NDUFS1: variants seen among roughly 807,000 people sequenced by gnomAD.
NDUFS1 encodes the protein NADH:ubiquinone oxidoreductase core subunit S1.
A neutral mutation model predicts 84.4 loss-of-function variants in NDUFS1; 61 were observed. The ratio of observed to expected loss-of-function variants is 0.72; its 90% CI spans 0.59 to 0.89. The LOEUF is 0.89. NDUFS1 is among the 40% of genes least tolerant of loss of function. NDUFS1 has a pLI of 0.00. For synonymous variants in NDUFS1, 275 were observed against 290.0 expected, an observed-to-expected ratio of 0.95 and a Z score of 0.53; for missense variants, 891 against 890.0, an observed-to-expected ratio of 1.00 and a Z score of -0.01.
chr2:206,122,639 A>AAAAAAAAAAAC lies in NDUFS1; in HGVS notation c.*1545_*1546insGTTTTTTTTTT, dbSNP rs1559038202. ...AGTAAGACTCCATCTCAAAAAAAAA[A>AAAAAAAAAAAC]AAAAAACAAAGGGAAAAAGGGCATC... On this transcript the variant is annotated 3_prime_UTR_variant, in exon 19 of 19. Coordinates refer to ENST00000233190, the MANE Select transcript of NDUFS1 (RefSeq NM_005006.7). 6.8e-6 allele frequency: 1 copy of AAAAAAAAAAAC among 146,714 alleles called. No individual in the cohort carries two copies. The highest frequency in any genetic ancestry group is 2.5e-5 in the African/African-American group (1 of 39,588). The allele number at this position is 146,714 out of a possible 1,614,324, so 9.1% of individuals were successfully genotyped here. A position where few individuals can be genotyped will look rare whatever the true frequency, so the allele number is the denominator to read the frequency against.
Position 206,157,514 on chromosome 2 carries a change from C to T in NDUFS1, c.-5+1827G>A, listed in dbSNP as rs527408730. Among the ~76,000 whole-genome samples the T allele has an allele frequency of 9.2e-5, 14 of 152,344 alleles. No homozygotes were observed. In the East Asian group the frequency reaches 2.7e-3, roughly 29 times the overall value. On this transcript the variant is annotated intron_variant, in intron 1 of 18. Transcript: ENST00000233190. ...GTAGCATCTGTCCTATTAAAAACTA[C>T]TGATGGCATAAATATAAACCTAAAC...
Position 206,117,561 on chromosome 2 carries a change from G to A in NDUFS1, c.*6624C>T, listed in dbSNP as rs1690983517. 6.6e-6 allele frequency: 1 copy of A among 152,242 alleles called. No homozygotes were observed. Among genetic ancestry groups the A allele is most frequent in the Non-Finnish European group, 1.5e-5 (1 of 68,074 alleles). The allele number at this position is 152,242 out of a possible 1,614,324, so 9.4% of individuals were successfully genotyped here. Reference sequence around the variant, plus strand: ...GCAATTCTCTGACTCAGCCTCCAGAGTAGCTGGGATTACAGGTGTCTTGCC... The same window carrying A: ...GCAATTCTCTGACTCAGCCTCCAGAATAGCTGGGATTACAGGTGTCTTGCC... On this transcript the variant is annotated 3_prime_UTR_variant, in exon 19 of 19. Transcript: ENST00000233190.
rs1486052306 is a variant in NDUFS1, at chr2:206,119,637, ACT to A, written c.*4546_*4547del. On this transcript the variant is annotated 3_prime_UTR_variant, in exon 19 of 19. Transcript: ENST00000233190. Reference sequence around the variant, plus strand: ...CATGTCGGACAGGCTGGTCTCGAAAACTCCTGACCTCAGGTGATCCGCCTGCC... The same window carrying A: ...CATGTCGGACAGGCTGGTCTCGAAAACCTGACCTCAGGTGATCCGCCTGCC... The A allele has an allele frequency of 1.3e-5, 2 of 151,586 alleles. No individual in the cohort carries two copies. Among genetic ancestry groups the A allele is most frequent in the Non-Finnish European group, 2.9e-5 (2 of 67,924 alleles). 9.4% of individuals were successfully genotyped at this position (151,586 alleles called of 1,614,324 possible). A position where few individuals can be genotyped will look rare whatever the true frequency, so the allele number is the denominator to read the frequency against.
intron 16 of NDUFS1, 88 bp downstream of exon 16, chr2:206,127,709 C>G (rs1691346344): frequency 7.2e-7 from 1 of 1,391,642 alleles, no homozygotes; most frequent in Admixed American, 1.7e-5. Context: ...AGACTGGCAT[C>G]TTCCTTGACT....
chr2:206,158,715 C>T (rs1687777531), intron 1 of NDUFS1, among the ~76,000 whole-genome samples: 1 of 152,344 alleles, frequency 6.6e-6, no homozygotes, highest in Non-Finnish European at 1.5e-5. Flanking sequence ...TGTGTCTGAT[C>T]CAAGACCTTA....
In NDUFS1 at chr2:206,144,038, G is replaced by C; in HGVS notation, c.967C>G (p.Leu323Val). 6.2e-7 allele frequency: 1 copy of C among 1,612,066 alleles called. No individual in the cohort carries two copies. The highest frequency in any genetic ancestry group is 8.5e-7 in the Non-Finnish European group (1 of 1,178,220). Reference sequence around the variant, plus strand: ...TTTACCATTCCAGCTACGCGAGAGAGCGCATCCTCCCAAGAAGTATAGGTT... The same window carrying C: ...TTTACCATTCCAGCTACGCGAGAGACCGCATCCTCCCAAGAAGTATAGGTT... ...LLTYTSWEDA[L>V]SRVAGMLQSF... Residue 323 changes from leucine to valine, a missense_variant, in exon 10 of 19, where the codon CTC becomes GTC. Leu to Val is a conservative substitution (Grantham distance 32). Coordinates refer to ENST00000233190, the MANE Select transcript of NDUFS1 (RefSeq NM_005006.7).
rs1691114505 is a variant in NDUFS1 at position 206,122,170 on chromosome 2, T to C, written c.*2015A>G. The C allele has an allele frequency of 6.6e-6, 1 of 152,058 alleles. No individual in the cohort carries two copies. The highest frequency in any genetic ancestry group is 2.1e-4 in the South Asian group (1 of 4,828). The allele number at this position is 152,058 out of a possible 1,614,324, so 9.4% of individuals were successfully genotyped here. On this transcript the variant is annotated 3_prime_UTR_variant, in exon 19 of 19. Coordinates refer to ENST00000233190, the MANE Select transcript of NDUFS1 (RefSeq NM_005006.7). Reference sequence around the variant, plus strand: ...TACATTTTTTTGTACAAATAGGATCTTGCTATGCAGTCCAGGCTGGTCTTG... The same window carrying C: ...TACATTTTTTTGTACAAATAGGATCCTGCTATGCAGTCCAGGCTGGTCTTG...
At chr2:206,144,237 G>T in intron 9 of NDUFS1, 105 bp from the exon 10 acceptor site, 1 of 829,742 alleles carries the variant, frequency 1.2e-6, no homozygotes, top group Non-Finnish European at 2.1e-6. Context: ...ACTGGTTAAA[G>T]TGTCAAATAT....
intron 10 of NDUFS1, 72 bp downstream of exon 10, chr2:206,143,946 C>T: frequency 8.5e-7 from 1 of 1,174,572 alleles, no homozygotes; most frequent in South Asian, 1.2e-5. Flanking sequence ...AAATATACAT[C>T]CCCCCCTTCA....
At position 206,122,630 on chromosome 2, in the gene NDUFS1, A is replaced by AAAAAAAAAAAAAAG. The variant is rs1691133179; in HGVS notation, c.*1554_*1555insCTTTTTTTTTTTTT. 1.1e-5 allele frequency: 1 copy of AAAAAAAAAAAAAAG among 87,434 alleles called. No individual in the cohort carries two copies. The highest frequency in any genetic ancestry group is 2.4e-5 in the Non-Finnish European group (1 of 41,962). 5.4% of individuals were successfully genotyped at this position (87,434 alleles called of 1,614,324 possible). A position where few individuals can be genotyped will look rare whatever the true frequency, so the allele number is the denominator to read the frequency against. On this transcript the variant is annotated 3_prime_UTR_variant, in exon 19 of 19. Coordinates refer to ENST00000233190, the MANE Select transcript of NDUFS1 (RefSeq NM_005006.7). ...GGGTGACAGAGTAAGACTCCATCTC[A>AAAAAAAAAAAAAAG]AAAAAAAAAAAAAAACAAAGGGAAA...
Position 206,153,654 on chromosome 2 carries a change from C to A in NDUFS1, c.25G>T (p.Ala9Ser), listed in dbSNP as rs780734430. The A allele has an allele frequency of 1.9e-6, 3 of 1,548,050 alleles. No individual in the cohort carries two copies. The highest frequency in any genetic ancestry group is 1.1e-5 in the South Asian group (1 of 88,806). Residue 9 changes from alanine (A) to serine (S), a missense_variant, in exon 2 of 19, where the codon GCC becomes TCC. Ala to Ser is a moderately conservative substitution (Grantham distance 99). Coordinates refer to ENST00000233190, the MANE Select transcript of NDUFS1 (RefSeq NM_005006.7). MLRIPVRKALVGLSKSPKG... is the reference protein window; with the variant it reads MLRIPVRKSLVGLSKSPKG... ...GGAGACTTAGAAAGGCCTACTAAGGCCTTTCTTACAGGTATCCTTAACATA... is the reference window on the plus strand; with the variant it reads ...GGAGACTTAGAAAGGCCTACTAAGGACTTTCTTACAGGTATCCTTAACATA...
rs775372884 is a variant in NDUFS1 at position 206,130,225 on chromosome 2, G to T, written c.1571C>A (p.Ala524Asp). Residue 524 changes from alanine to aspartate, a missense_variant, in exon 15 of 19, where the codon GCT (alanine) becomes GAT (aspartate). Physicochemically the swap from Ala to Asp is moderately radical, Grantham distance 126. Coordinates refer to ENST00000233190, the MANE Select transcript of NDUFS1 (RefSeq NM_005006.7). The part of the protein sequence containing the change: ...NILHRIASQV[A>D]ALDLGYKPGV... ...AGGCTTATAGCCAAGGTCCAAAGCA[G>T]CTACTTGACTTGCAATCCTGCAAAG... 3.1e-6 allele frequency: 5 copies of T among 1,614,162 alleles called. No individual in the cohort carries two copies. The South Asian group carries it at 5.5e-5, about 18-fold the overall frequency.
intron 4 of NDUFS1, 74 bp from the exon 5 acceptor site, chr2:206,149,170 T>C (rs1692275846): frequency 6.5e-6 from 7 of 1,071,322 alleles, no homozygotes; most frequent in South Asian, 1.4e-5. Context: ...TATATAAAAA[T>C]GTTAAATTAT....
chr2:206,150,070 T>A (rs1692315194), intron 3 of NDUFS1, 145 bp from the exon 4 acceptor site: 1 of 682,150 alleles, frequency 1.5e-6, no homozygotes, highest in Non-Finnish European at 2.5e-6. Flanking sequence ...CATTCTTATT[T>A]CAGTCCCTTT....
intron 8 of NDUFS1, among the ~76,000 whole-genome samples, chr2:206,145,612 A>G (rs1211980542): frequency 1.3e-5 from 2 of 152,174 alleles, no homozygotes; most frequent in African/African-American, 4.8e-5. Context: ...GCAAAAGTAA[A>G]GCTGGCCAAA....
rs143445435 is a variant in NDUFS1, at chr2:206,127,550, T to A, written c.1884+247A>T. ...AATAAAATAAAATAAAAGCACCAAT[T>A]TCAAGTTCCTTTATTTTTTAAGAGA... On this transcript the variant is annotated intron_variant, in intron 16 of 18. Transcript: ENST00000233190. 8.8e-3 allele frequency: 3,566 copies of A among 405,710 alleles called. 21 individuals are homozygous for A. The highest frequency in any genetic ancestry group is 0.013 in the Admixed American group (341 of 25,362). 25.1% of individuals were successfully genotyped at this position (405,710 alleles called of 1,614,324 possible).
At chr2:206,140,767 C>G (rs1195926838) in intron 12 of NDUFS1, among the ~76,000 whole-genome samples, 1 of 151,990 alleles carries the variant, frequency 6.6e-6, no homozygotes, top group Non-Finnish European at 1.5e-5. Flanking sequence ...GCGTGAGCCA[C>G]CACGCCCAGC....
chr2:206,158,053 A>T (rs1359999625), intron 1 of NDUFS1, among the ~76,000 whole-genome samples: 2 of 132,982 alleles, frequency 1.5e-5, no homozygotes, highest in African/African-American at 2.9e-5. Flanking sequence ...AAGCCCCGCC[A>T]CCCGGGTTCA....
At position 206,152,431 on chromosome 2, in the gene NDUFS1, C is replaced by T. The variant is rs1261217753; in HGVS notation, c.141G>A (p.Thr47=). ...AATGTATGCCTACTTGGAGGACGGT[C>T]GTTCCCGGTTCCACCATGACAGACT... is the stretch of plus-strand genomic sequence containing the variant. ...DGQSVMVEPG[T]TVLQACEKVG... Residue 47 remains threonine (T), a synonymous_variant, in exon 3 of 19, where the codon ACG becomes ACA. Coordinates refer to ENST00000233190, the MANE Select transcript of NDUFS1 (RefSeq NM_005006.7). 11 of 1,613,870 alleles carry T rather than the reference C, an allele frequency of 6.8e-6. No homozygotes were observed. The highest frequency in any genetic ancestry group is 2.2e-5 in the East Asian group (1 of 44,882).
Sources: gnomAD v4.1 joint callset for allele counts (sites outside exome capture counted in the v4.1 genomes callset) on GRCh38, gnomAD v4.1.1 for gene constraint, MANE v1.5 for transcripts, NCBI Gene and HGNC (gene_info 2026-07-23, HGNC 2026-07-21) for gene names.